DTNA: variants seen among roughly 807,000 people sequenced by gnomAD.
DTNA encodes the protein dystrophin-related protein 3.
In DTNA, 43 loss-of-function variants were observed where a neutral mutation model predicts 100.7. The observed-to-expected ratio is 0.43, with a 90% confidence interval of 0.33 to 0.55. DTNA has a LOEUF of 0.55. DTNA is among the 20% of genes least tolerant of loss of function. The pLI, the probability that DTNA is intolerant of heterozygous loss-of-function variation, is 0.04. For missense variants in DTNA, 798 were observed against 953.9 expected, an observed-to-expected ratio of 0.84 and a Z score of 2.15; for synonymous variants, 349 against 347.9, an observed-to-expected ratio of 1.00 and a Z score of -0.04.
chr18:34,733,117 T>C (rs142328854), intron 1 of DTNA, among the ~76,000 whole-genome samples: 322 of 152,304 alleles, frequency 2.1e-3, no homozygotes, highest in African/African-American at 7.7e-3. Flanking sequence ...GTTACCCTGG[T>C]TAAAGGCTGG....
At position 34,796,947 on chromosome 18, in the gene DTNA, A is replaced by G. The variant is rs114441123; in HGVS notation, c.362+2697A>G. The stretch of plus-strand genomic sequence containing the variant: ...ATAGCATTCCCTCTCCCACCAAAAA[A>G]ACATCCGGATCTCAATTTTCATACC... On this transcript the variant is annotated intron_variant, in intron 4 of 22. Transcript: ENST00000444659. Among the ~76,000 whole-genome samples, 1,286 of 152,308 alleles carry G rather than the reference A, an allele frequency of 8.4e-3. 18 individuals are homozygous for G. The highest frequency in any genetic ancestry group is 0.028 in the African/African-American group (1,163 of 41,558).
intron 17 of DTNA, among the ~76,000 whole-genome samples, chr18:34,869,975 C>T (rs1266499466): frequency 3.3e-5 from 5 of 152,164 alleles, no homozygotes; most frequent in African/African-American, 4.8e-5. Flanking sequence ...GAGCTGAGAT[C>T]GTGCCACTGC....
intron 1 of DTNA, among the ~76,000 whole-genome samples, chr18:34,495,130 GC>G (rs1326174710): frequency 6.6e-6 from 1 of 152,210 alleles, no homozygotes; most frequent in South Asian, 2.1e-4. Context: ...CTTTTCATGC[GC>G]CCCTAATCAA....
intron 1 of DTNA, among the ~76,000 whole-genome samples, chr18:34,646,250 G>A (rs989857974): frequency 6.6e-6 from 1 of 151,950 alleles, no homozygotes. Flanking sequence ...CCTGTCTTTT[G>A]TTTATAATAA....
At chr18:34,569,391 G>A (rs1360090453) in intron 1 of DTNA, among the ~76,000 whole-genome samples, 1 of 152,026 alleles carries the variant, frequency 6.6e-6, no homozygotes, top group Non-Finnish European at 1.5e-5. Context: ...AAGGAGGAGT[G>A]AACCAATAAA....
At chr18:34,683,091 C>T (rs2078356637) in intron 1 of DTNA, among the ~76,000 whole-genome samples, 1 of 152,138 alleles carries the variant, frequency 6.6e-6, no homozygotes, top group South Asian at 2.1e-4. Context: ...AGTCTCATTC[C>T]AACATTCACA....
At chr18:34,634,253 C>A (rs2058412811) in intron 1 of DTNA, among the ~76,000 whole-genome samples, 1 of 152,078 alleles carries the variant, frequency 6.6e-6, no homozygotes, top group Admixed American at 6.6e-5. Flanking sequence ...GTCTCCAAGG[C>A]CTTCAAGCTT....
At chr18:34,595,744 G>A (rs2050465096) in intron 1 of DTNA, among the ~76,000 whole-genome samples, 1 of 152,160 alleles carries the variant, frequency 6.6e-6, no homozygotes, top group African/African-American at 2.4e-5. Flanking sequence ...ATTAAAGATC[G>A]TAAGAGTAAG....
intron 1 of DTNA, among the ~76,000 whole-genome samples, chr18:34,586,650 G>A (rs1239409221): frequency 1.1e-4 from 16 of 152,170 alleles, no homozygotes; most frequent in Non-Finnish European, 1.5e-5. Flanking sequence ...AAAAGAACTT[G>A]AATTAGAACC....
chr18:34,517,943 C>A (rs2041810682), intron 1 of DTNA, among the ~76,000 whole-genome samples: 2 of 152,056 alleles, frequency 1.3e-5, no homozygotes, highest in East Asian at 1.9e-4. Context: ...AGTAAACTTT[C>A]ATTTCTCTGG....
At chr18:34,761,126 T>TCACACACACACA (rs6146260) in intron 2 of DTNA, among the ~76,000 whole-genome samples, 2 of 149,204 alleles carry the variant, frequency 1.3e-5, no homozygotes, top group African/African-American at 5.0e-5. Flanking sequence ...CCTCCATCCT[T>TCACACACACACA]CACACACACA....
At chr18:34,641,532 T>C (rs760404500) in intron 1 of DTNA, among the ~76,000 whole-genome samples, 1 of 152,226 alleles carries the variant, frequency 6.6e-6, no homozygotes, top group Non-Finnish European at 1.5e-5. Context: ...ATCATACTTT[T>C]CTTGAATCTT....
At chr18:34,700,152 A>G (rs1009282752) in intron 1 of DTNA, among the ~76,000 whole-genome samples, 4 of 152,150 alleles carry the variant, frequency 2.6e-5, no homozygotes. Context: ...TCACATAAAC[A>G]TTCCTACTCC....
At chr18:34,596,288 C>G (rs573648629) in intron 1 of DTNA, among the ~76,000 whole-genome samples, 3 of 152,238 alleles carry the variant, frequency 2.0e-5, no homozygotes, top group African/African-American at 7.2e-5. Flanking sequence ...GATTGATCTC[C>G]ACTCACTGCA....
At chr18:34,633,051 C>T (rs2058264278) in intron 1 of DTNA, among the ~76,000 whole-genome samples, 1 of 152,066 alleles carries the variant, frequency 6.6e-6, no homozygotes, top group African/African-American at 2.4e-5. Flanking sequence ...TAGTCTCATT[C>T]CAGAGCCATA....
chr18:34,601,277 A>AT (rs1414033517), intron 1 of DTNA, among the ~76,000 whole-genome samples: 1 of 152,162 alleles, frequency 6.6e-6, no homozygotes, highest in African/African-American at 2.4e-5. Context: ...TTATGCAGAA[A>AT]TTTTTAGGAG....
At chr18:34,776,725 G>C (rs772800620) in intron 3 of DTNA, among the ~76,000 whole-genome samples, 1 of 152,182 alleles carries the variant, frequency 6.6e-6, no homozygotes, top group Non-Finnish European at 1.5e-5. Flanking sequence ...TCTCTGCTCA[G>C]ATTCCTGCAG....
intron 1 of DTNA, among the ~76,000 whole-genome samples, chr18:34,560,579 A>G (rs189726642): frequency 6.6e-6 from 1 of 152,050 alleles, no homozygotes; most frequent in Non-Finnish European, 1.5e-5. Context: ...TTAGTTTTTC[A>G]TGGTAGTTAT....
Position 34,824,629 on chromosome 18 carries a change from G to T in DTNA, c.1002-2964G>T, listed in dbSNP as rs576206107. On this transcript the variant is annotated intron_variant, in intron 9 of 22. Transcript: ENST00000444659. Reference sequence around the variant, plus strand: ...TTGCATCCAAAGGTGAGCAGCAAAAGCATTATAAGATACAAATAAAATTAA... The same window carrying T: ...TTGCATCCAAAGGTGAGCAGCAAAATCATTATAAGATACAAATAAAATTAA... Among the ~76,000 whole-genome samples, 9 of 152,140 alleles carry T rather than the reference G, an allele frequency of 5.9e-5. No individual in the cohort carries two copies. The East Asian group carries it at 1.7e-3, about 29-fold the overall frequency.
Sources: gnomAD v4.1 joint callset for allele counts (sites outside exome capture counted in the v4.1 genomes callset) on GRCh38, gnomAD v4.1.1 for gene constraint, MANE v1.5 for transcripts, NCBI Gene and HGNC (gene_info 2026-07-23, HGNC 2026-07-21) for gene names.